The following RBFOX1 variants were observed in gnomAD, a reference collection of about 807,000 sequenced individuals.
RBFOX1 encodes RNA binding protein fox-1 homolog 1.
A neutral mutation model predicts 57.7 loss-of-function variants in RBFOX1; 8 were observed. The ratio of observed to expected loss-of-function variants is 0.14; its 90% CI spans 0.08 to 0.25. RBFOX1 has a LOEUF of 0.25. RBFOX1 is among the 10% of genes least tolerant of loss of function. The probability of loss-of-function intolerance (pLI) is 1.00; values close to 1 mark genes in which losing one functional copy is unlikely to be tolerated. For synonymous variants in RBFOX1, 326 were observed against 222.4 expected (o/e 1.47, Z -4.15); for missense variants, 611 against 548.5 (o/e 1.11, Z -1.14).
At chr16:7,334,121 C>G (rs750046420) in intron 4 of RBFOX1, among the ~76,000 whole-genome samples, 9 of 152,252 alleles carry the variant, frequency 5.9e-5, no homozygotes, top group Admixed American at 3.3e-4. Flanking sequence ...CACTTTTCCC[C>G]CTACCTCTTC....
At chr16:7,643,894 C>A (rs1034676834) in intron 11 of RBFOX1, among the ~76,000 whole-genome samples, 2 of 152,152 alleles carry the variant, frequency 1.3e-5, no homozygotes, top group African/African-American at 4.8e-5. Context: ...TCTCCCCTAT[C>A]CCCCAACAAG....
At chr16:5,410,345 C>A (rs2066986667) in intron 1 of RBFOX1, among the ~76,000 whole-genome samples, 1 of 150,020 alleles carries the variant, frequency 6.7e-6, no homozygotes, top group Non-Finnish European at 1.5e-5. Context: ...GCACTCTAGC[C>A]TGGGTGACAG....
At chr16:7,698,879 T>G (rs2147990653) in intron 14 of RBFOX1, among the ~76,000 whole-genome samples, 1 of 152,288 alleles carries the variant, frequency 6.6e-6, no homozygotes, top group African/African-American at 2.4e-5. Flanking sequence ...CCCTATAAAG[T>G]GTGTGCAATC....
At chr16:7,197,848 A>C (rs2087137732) in intron 4 of RBFOX1, among the ~76,000 whole-genome samples, 1 of 152,156 alleles carries the variant, frequency 6.6e-6, no homozygotes, top group Admixed American at 6.5e-5. Flanking sequence ...ATTTCCGTGA[A>C]ATATCCAGAA....
chr16:5,748,740 C>T (rs76602978), intron 3 of RBFOX1, among the ~76,000 whole-genome samples: 2 of 152,084 alleles, frequency 1.3e-5, no homozygotes, highest in Non-Finnish European at 1.5e-5. Flanking sequence ...TTCCTCCATC[C>T]CTTTATTTTG....
intron 2 of RBFOX1, among the ~76,000 whole-genome samples, chr16:6,390,751 C>T (rs2109459): frequency 0.39 from 58,854 of 151,838 alleles, 11,919 homozygotes; most frequent in South Asian, 0.6. Context: ...CTATAAATAT[C>T]GGGGCAGGGG....
chr16:6,865,832 T>G (rs2059817870), intron 3 of RBFOX1, among the ~76,000 whole-genome samples: 1 of 152,200 alleles, frequency 6.6e-6, no homozygotes, highest in South Asian at 2.1e-4. Context: ...CAGGTACAAT[T>G]AACTTCTCTC....
intron 4 of RBFOX1, among the ~76,000 whole-genome samples, chr16:7,410,032 C>A (rs553014679): frequency 3.9e-4 from 59 of 152,050 alleles, no homozygotes; most frequent in Middle Eastern, 3.4e-3. Flanking sequence ...CCTTCAGCTG[C>A]AATTAAAGCT....
chr16:7,237,923 G>C (rs958105966), intron 4 of RBFOX1, among the ~76,000 whole-genome samples: 1 of 152,206 alleles, frequency 6.6e-6, no homozygotes, highest in African/African-American at 2.4e-5. Context: ...AGAATTGCTT[G>C]AACCCTGGAG....
At chr16:7,295,727 A>G (rs1463692317) in intron 4 of RBFOX1, among the ~76,000 whole-genome samples, 1 of 152,100 alleles carries the variant, frequency 6.6e-6, no homozygotes, top group Non-Finnish European at 1.5e-5. Context: ...GCATACCCAC[A>G]TATGAACCAG....
At chr16:7,185,722 G>A (rs980485255) in intron 4 of RBFOX1, among the ~76,000 whole-genome samples, 3 of 152,160 alleles carry the variant, frequency 2.0e-5, no homozygotes, top group African/African-American at 7.2e-5. Context: ...ACTGAAAGTG[G>A]TAAATGAGGC....
intron 3 of RBFOX1, among the ~76,000 whole-genome samples, chr16:6,989,149 G>T (rs2090967476): frequency 6.6e-6 from 1 of 152,178 alleles, no homozygotes; most frequent in Admixed American, 6.5e-5. Context: ...GCCCGCCTCA[G>T]CCTTCCATAG....
intron 1 of RBFOX1, among the ~76,000 whole-genome samples, chr16:6,240,129 C>A (rs1398835512): frequency 6.6e-6 from 1 of 152,176 alleles, no homozygotes; most frequent in Non-Finnish European, 1.5e-5. Flanking sequence ...TGTCCTGCTT[C>A]ACCTTCCGCC....
chr16:6,885,436 A>G (rs62017685), intron 3 of RBFOX1, among the ~76,000 whole-genome samples: 2,860 of 152,358 alleles, frequency 0.019, 34 homozygotes, highest in Middle Eastern at 0.031. Flanking sequence ...GCTGAGTTCT[A>G]TAGTACCTTT....
chr16:7,226,385 T>G (rs2093122442), intron 4 of RBFOX1, among the ~76,000 whole-genome samples: 1 of 152,188 alleles, frequency 6.6e-6, no homozygotes, highest in Admixed American at 6.5e-5. Flanking sequence ...TTCCAGCAGG[T>G]GTAAGGGACT....
At chr16:7,307,956 C>T (rs2096230615) in intron 4 of RBFOX1, among the ~76,000 whole-genome samples, 1 of 152,136 alleles carries the variant, frequency 6.6e-6, no homozygotes, top group African/African-American at 2.4e-5. Flanking sequence ...TCACATATCC[C>T]CAATACTTAA....
chr16:6,775,936 G>A (rs950618340), intron 3 of RBFOX1: 1 of 152,170 alleles, frequency 6.6e-6, no homozygotes, highest in African/African-American at 2.4e-5. Flanking sequence ...TGGGTGACGG[G>A]GAATGGCTAA....
At chr16:5,498,937 A>G (rs2151691333) in intron 2 of RBFOX1, among the ~76,000 whole-genome samples, 1 of 152,154 alleles carries the variant, frequency 6.6e-6, no homozygotes, top group Non-Finnish European at 1.5e-5. Flanking sequence ...TCAGGCTCTC[A>G]CTGTTGGTGT....
intron 2 of RBFOX1, among the ~76,000 whole-genome samples, chr16:6,598,507 A>G (rs1490157126): frequency 2.0e-5 from 3 of 152,238 alleles, no homozygotes; most frequent in African/African-American, 7.2e-5. Context: ...CGTCAGACCG[A>G]TATATACAAA....
Sources: allele counts gnomAD v4.1 joint callset (sites outside exome capture counted in the v4.1 genomes callset), GRCh38; gene constraint gnomAD v4.1.1; transcripts MANE v1.5; gene names NCBI Gene and HGNC (gene_info 2026-07-23, HGNC 2026-07-21).